ATP9B: variants seen among roughly 807,000 people sequenced by gnomAD.
ATP9B encodes the protein probable phospholipid-transporting ATPase IIB.
A neutral mutation model predicts 146.1 loss-of-function variants in ATP9B; 110 were observed. That is an observed-to-expected ratio of 0.75 (90% CI 0.65 to 0.88). The LOEUF is 0.88. Ranked by LOEUF, ATP9B falls within the 40% of genes least tolerant of loss-of-function variation. The pLI, the probability that ATP9B is intolerant of heterozygous loss-of-function variation, is 0.00. For missense variants in ATP9B, 1,499 were observed against 1,496.4 expected (o/e 1.00, Z -0.03); for synonymous variants, 604 against 569.7 (o/e 1.06, Z -0.86).
At chr18:79,155,014 T>C (rs1406080673) in intron 7 of ATP9B, among the ~76,000 whole-genome samples, 1 of 152,252 alleles carries the variant, frequency 6.6e-6, no homozygotes, top group Non-Finnish European at 1.5e-5. Flanking sequence ...TTCAGATTCA[T>C]ACTGACATCT....
At position 79,163,078 on chromosome 18, in the gene ATP9B, C is replaced by T. The variant is rs554950315; in HGVS notation, c.778+8523C>T. On this transcript the variant is annotated intron_variant, in intron 7 of 29. Coordinates refer to ENST00000426216, the MANE Select transcript of ATP9B (RefSeq NM_198531.5). ...ACATTTTTTGCTGAGCCTTAACTGG[C>T]GTCAGTTTTAGCGAGTGCTTTCTGT... Among the ~76,000 whole-genome samples the T allele has an allele frequency of 4.2e-4, 64 of 152,274 alleles. No homozygotes were observed. In the Middle Eastern group the frequency reaches 0.01, roughly 24 times the overall value.
At chr18:79,361,838 G>C (rs1419910245) in intron 26 of ATP9B, 2 of 983,698 alleles carry the variant, frequency 2.0e-6, no homozygotes, top group Non-Finnish European at 2.4e-6. Flanking sequence ...ACACCGGTCA[G>C]TGTCAGTGGA....
At chr18:79,118,769 A>G (rs546688426) in intron 4 of ATP9B, among the ~76,000 whole-genome samples, 1 of 151,886 alleles carries the variant, frequency 6.6e-6, no homozygotes, top group South Asian at 2.1e-4. Context: ...TCACAGTTGT[A>G]TTTACTGCTT....
chr18:79,147,614 A>G (rs2094612835), intron 6 of ATP9B, among the ~76,000 whole-genome samples: 1 of 152,142 alleles, frequency 6.6e-6, no homozygotes, highest in Non-Finnish European at 1.5e-5. Context: ...GAAACAATAC[A>G]TACAGCTGAA....
chr18:79,289,855 G>T, intron 13 of ATP9B, among the ~76,000 whole-genome samples: 1 of 152,222 alleles, frequency 6.6e-6, no homozygotes, highest in Middle Eastern at 3.2e-3. Flanking sequence ...CTGCAGGTCT[G>T]TTGGAGCTTG....
intron 12 of ATP9B, among the ~76,000 whole-genome samples, chr18:79,262,329 C>G (rs550994492): frequency 6.6e-6 from 1 of 151,930 alleles, no homozygotes; most frequent in Non-Finnish European, 1.5e-5. Flanking sequence ...TTTTTAGTTA[C>G]TGAGCATGGC....
At chr18:79,100,131 A>G (rs1394987194) in intron 2 of ATP9B, among the ~76,000 whole-genome samples, 2 of 152,254 alleles carry the variant, frequency 1.3e-5, no homozygotes, top group African/African-American at 4.8e-5. Flanking sequence ...GTCTCAAAAA[A>G]TAAAATAAAA....
chr18:79,128,244 G>A lies in ATP9B; in HGVS notation c.667+1869G>A, dbSNP rs565673159. 5.9e-5 allele frequency among the ~76,000 whole-genome samples: 9 copies of A among 151,894 alleles called. No individual in the cohort carries two copies. In the South Asian group the frequency reaches 6.2e-4, roughly 11 times the overall value. Reference sequence around the variant, plus strand: ...CGGGTGATTTTTTGTATTTTTAGTCGATACGGGGTTTCACTATGTTGGCCA... The same window carrying A: ...CGGGTGATTTTTTGTATTTTTAGTCAATACGGGGTTTCACTATGTTGGCCA... On this transcript the variant is annotated intron_variant, in intron 5 of 29. Coordinates refer to ENST00000426216, the MANE Select transcript of ATP9B (RefSeq NM_198531.5).
intron 2 of ATP9B, among the ~76,000 whole-genome samples, chr18:79,103,254 ATAACTATTTG>A (rs1212474391): frequency 1.3e-5 from 2 of 150,612 alleles, no homozygotes; most frequent in South Asian, 2.1e-4. Context: ...ACTAAACCAA[ATAACTATTTG>A]TAGTTTTTTT....
Position 79,373,937 on chromosome 18 carries a change from C to T in ATP9B, c.3110C>T (p.Ser1037Phe). The stretch of plus-strand genomic sequence containing the variant: ...TATGGGGCCCTGGTGCTCTTCGAGT[C>T]TGAGTTCGTCCACGTGGTGGCCATC... ...LMYGALVLFE[S>F]EFVHVVAISF... Residue 1037 changes from serine to phenylalanine, a missense_variant, in exon 28 of 30, where the codon TCT (serine) becomes TTT (phenylalanine). Ser to Phe is a radical substitution (Grantham distance 155). Coordinates refer to ENST00000426216, the MANE Select transcript of ATP9B (RefSeq NM_198531.5). The T allele has an allele frequency of 6.2e-7, 1 of 1,613,584 alleles. No homozygotes were observed. Among genetic ancestry groups the T allele is most frequent in the Non-Finnish European group, 8.5e-7 (1 of 1,180,030 alleles).
intron 15 of ATP9B, among the ~76,000 whole-genome samples, chr18:79,310,530 C>G (rs2096646721): frequency 6.6e-6 from 1 of 152,188 alleles, no homozygotes; most frequent in South Asian, 2.1e-4. Context: ...GTCTAGGCTT[C>G]TAGAAGCAGA....
intron 7 of ATP9B, among the ~76,000 whole-genome samples, chr18:79,162,941 A>G (rs1179886677): frequency 1.3e-5 from 2 of 152,222 alleles, no homozygotes; most frequent in East Asian, 1.9e-4. Flanking sequence ...TGACACATAC[A>G]CGAGTTGATC....
At chr18:79,335,684 C>A (rs2096820636) in intron 17 of ATP9B, among the ~76,000 whole-genome samples, 1 of 152,184 alleles carries the variant, frequency 6.6e-6, no homozygotes, top group African/African-American at 2.4e-5. Context: ...GCACTCCTGC[C>A]CTCCCCTCCA....
intron 14 of ATP9B, among the ~76,000 whole-genome samples, chr18:79,304,990 A>G (rs2096612785): frequency 6.6e-6 from 1 of 152,130 alleles, no homozygotes; most frequent in Non-Finnish European, 1.5e-5. Context: ...GGGGGGTGTG[A>G]CAGTTCCCAG....
chr18:79,300,368 C>T (rs1490569578), intron 13 of ATP9B, among the ~76,000 whole-genome samples: 2 of 152,092 alleles, frequency 1.3e-5, no homozygotes, highest in Admixed American at 1.3e-4. Context: ...CCCTGCAGTG[C>T]TTGCAAAGTG....
rs2095837436 is a variant in ATP9B, at chr18:79,235,907, T to TTTG, written c.1108-17474_1108-17473insTTG. Reference sequence around the variant, plus strand: ...CAGCCACGGATTTCTACATCTTTGATCTCTGGGTTCTTTGGGCTTTTTGCT... The same window carrying TTTG: ...CAGCCACGGATTTCTACATCTTTGATTTGCTCTGGGTTCTTTGGGCTTTTTGCT... On this transcript the variant is annotated intron_variant, in intron 11 of 29. Transcript: ENST00000426216. 7.9e-5 allele frequency among the ~76,000 whole-genome samples: 12 copies of TTTG among 152,268 alleles called. No homozygotes were observed. In the South Asian group the frequency reaches 1.7e-3, roughly 21 times the overall value.
intron 9 of ATP9B, among the ~76,000 whole-genome samples, chr18:79,197,121 GACAATATTCTCTGATC>G (rs1468145933): frequency 6.6e-6 from 1 of 152,120 alleles, no homozygotes; most frequent in Non-Finnish European, 1.5e-5. Context: ...AACTCATACA[GACAATATTCTCTGATC>G]ACAATGCAAT....
intron 11 of ATP9B, among the ~76,000 whole-genome samples, chr18:79,225,791 G>C (rs1223903059): frequency 8.0e-6 from 1 of 124,922 alleles, no homozygotes; most frequent in East Asian, 2.3e-4. Flanking sequence ...AGTGACTCTT[G>C]GGTCCCGCAG....
At chr18:79,209,957 T>TAA in intron 10 of ATP9B, among the ~76,000 whole-genome samples, 1 of 152,322 alleles carries the variant, frequency 6.6e-6, no homozygotes, top group East Asian at 1.9e-4. Flanking sequence ...CTTTTACTCT[T>TAA]ATACTTTAAA....
Sources: allele counts gnomAD v4.1 joint callset (sites outside exome capture counted in the v4.1 genomes callset), GRCh38; gene constraint gnomAD v4.1.1; transcripts MANE v1.5; gene names NCBI Gene and HGNC (gene_info 2026-07-23, HGNC 2026-07-21).